DTWD2: variants seen among roughly 807,000 people sequenced by gnomAD.
DTWD2 encodes tRNA-uridine aminocarboxypropyltransferase 2.
Under a neutral mutation model 31.8 loss-of-function variants are expected in DTWD2, and 39 were observed. The observed-to-expected ratio is 1.22, with a 90% CI of 0.95 to 1.60. The LOEUF (loss-of-function observed/expected upper bound fraction) is 1.60, where lower values mean the gene tolerates loss of function less well. Among genes scored for constraint, DTWD2 ranks in the 40% most tolerant of loss-of-function variants. DTWD2 has a pLI of 0.00. For synonymous variants in DTWD2, 180 were observed against 142.8 expected, an observed-to-expected ratio of 1.26 and a Z score of -1.86; for missense variants, 515 against 381.5, an observed-to-expected ratio of 1.35 and a Z score of -2.92.
At chr5:118,851,296 T>C (rs528919555) in intron 4 of DTWD2, among the ~76,000 whole-genome samples, 12 of 151,840 alleles carry the variant, frequency 7.9e-5, no homozygotes, top group African/African-American at 2.7e-4. Context: ...GTTCTTTCTA[T>C]TTTCCTTAAA....
intron 4 of DTWD2, among the ~76,000 whole-genome samples, chr5:118,864,700 G>C (rs1420349942): frequency 6.7e-6 from 1 of 150,308 alleles, no homozygotes. Flanking sequence ...ACATGTGTGT[G>C]TACTTAAAAT....
intron 4 of DTWD2, among the ~76,000 whole-genome samples, chr5:118,909,841 G>A (rs1473231): frequency 0.026 from 3,944 of 152,170 alleles, 136 homozygotes; most frequent in African/African-American, 0.076. Flanking sequence ...GTATTCCCCC[G>A]TACTTAGCAC....
At chr5:118,885,456 CAAAAAAAAA>C (rs34550372) in intron 4 of DTWD2, among the ~76,000 whole-genome samples, 2 of 57,516 alleles carry the variant, frequency 3.5e-5, no homozygotes, top group East Asian at 1.1e-3. Flanking sequence ...GACTCCACCT[CAAAAAAAAA>C]AAAAAAAAAA....
At chr5:118,909,202 T>C (rs753583202) in intron 4 of DTWD2, among the ~76,000 whole-genome samples, 3 of 152,218 alleles carry the variant, frequency 2.0e-5, no homozygotes, top group Non-Finnish European at 2.9e-5. Flanking sequence ...GTGTGGCCTA[T>C]TGGCATCAAC....
At chr5:118,964,217 CAA>C (rs34712667) in intron 1 of DTWD2, among the ~76,000 whole-genome samples, 40 of 84,682 alleles carry the variant, frequency 4.7e-4, no homozygotes, top group African/African-American at 5.4e-4. Flanking sequence ...GACTCCATCT[CAA>C]AAAAAAAAAA....
chr5:118,915,167 A>G (rs1281900650), intron 4 of DTWD2, among the ~76,000 whole-genome samples: 1 of 152,076 alleles, frequency 6.6e-6, no homozygotes, highest in Non-Finnish European at 1.5e-5. Context: ...CAGTGACCCA[A>G]GACAGGGCTA....
intron 4 of DTWD2, among the ~76,000 whole-genome samples, chr5:118,852,286 T>G (rs1025830647): frequency 6.6e-6 from 1 of 152,198 alleles, no homozygotes; most frequent in Non-Finnish European, 1.5e-5. Context: ...ACAATCAATT[T>G]GTACAGTTAA....
chr5:118,902,319 A>C (rs866519348), intron 4 of DTWD2, among the ~76,000 whole-genome samples: 10 of 152,160 alleles, frequency 6.6e-5, no homozygotes, highest in South Asian at 4.1e-4. Flanking sequence ...GAATGAGTAA[A>C]ATATAAGTAG....
chr5:118,872,895 C>T (rs1752537367), intron 4 of DTWD2, among the ~76,000 whole-genome samples: 1 of 152,158 alleles, frequency 6.6e-6, no homozygotes, highest in Admixed American at 6.5e-5. Context: ...ACTGGAATGA[C>T]AGGCATGCTT....
intron 4 of DTWD2, among the ~76,000 whole-genome samples, chr5:118,883,788 G>C (rs1310530132): frequency 6.6e-6 from 1 of 152,120 alleles, no homozygotes; most frequent in Non-Finnish European, 1.5e-5. Context: ...ATTACAATTG[G>C]AGATGAGATT....
intron 1 of DTWD2, among the ~76,000 whole-genome samples, chr5:118,953,639 G>C (rs1205602037): frequency 6.6e-6 from 1 of 152,196 alleles, no homozygotes; most frequent in Non-Finnish European, 1.5e-5. Flanking sequence ...AAACTTGCTA[G>C]AGAGTTGTTA....
chr5:118,887,918 G>C (rs776949197), intron 4 of DTWD2, among the ~76,000 whole-genome samples: 28 of 152,126 alleles, frequency 1.8e-4, no homozygotes, highest in Admixed American at 6.5e-4. Context: ...TGGGATTACA[G>C]GCATGAGTTA....
chr5:118,960,905 A>T (rs1178773635), intron 1 of DTWD2, among the ~76,000 whole-genome samples: 2 of 152,158 alleles, frequency 1.3e-5, no homozygotes, highest in African/African-American at 4.8e-5. Flanking sequence ...AGGAAACAAT[A>T]GACATTGAGG....
intron 1 of DTWD2, chr5:118,973,892 G>T: frequency 6.2e-7 from 1 of 1,609,404 alleles, no homozygotes; most frequent in Non-Finnish European, 8.5e-7. Flanking sequence ...TGGAAGAGAC[G>T]CCCCTGCTAA....
intron 4 of DTWD2, among the ~76,000 whole-genome samples, chr5:118,925,221 A>T (rs1753784137): frequency 6.6e-6 from 1 of 152,262 alleles, no homozygotes; most frequent in South Asian, 2.1e-4. Flanking sequence ...ATACATAAGC[A>T]CTAAAGCTTT....
At chr5:118,852,918 A>G (rs929521263) in intron 4 of DTWD2, among the ~76,000 whole-genome samples, 3 of 152,164 alleles carry the variant, frequency 2.0e-5, no homozygotes, top group Admixed American at 6.5e-5. Context: ...TTGCAGCAAC[A>G]TGGATGCAGC....
rs1291383753 is a variant in DTWD2, at chr5:118,836,948, T to A, written c.*3969A>T. 6.6e-6 allele frequency among the ~76,000 whole-genome samples: 1 copy of A among 152,246 alleles called. No homozygotes were observed. Among genetic ancestry groups the A allele is most frequent in the Non-Finnish European group, 1.5e-5 (1 of 68,038 alleles). On this transcript the variant is annotated 3_prime_UTR_variant, in exon 6 of 6. Transcript: ENST00000510708. ...ATGGACTAAGACAGGAGTCAAGTGATCAGCACGGTGTAAAAAGTCAGGGAT... is the reference window on the plus strand; with the variant it reads ...ATGGACTAAGACAGGAGTCAAGTGAACAGCACGGTGTAAAAAGTCAGGGAT...
At chr5:118,886,451 T>A (rs575293396) in intron 4 of DTWD2, among the ~76,000 whole-genome samples, 1 of 152,130 alleles carries the variant, frequency 6.6e-6, no homozygotes, top group African/African-American at 2.4e-5. Flanking sequence ...TATAATAGCA[T>A]AACAAGGAAA....
intron 1 of DTWD2, among the ~76,000 whole-genome samples, chr5:118,985,141 C>T (rs1755395881): frequency 6.6e-6 from 1 of 152,084 alleles, no homozygotes; most frequent in African/African-American, 2.4e-5. Context: ...TCCCTCCCTT[C>T]TCCCAAACTC....
Sources: gnomAD v4.1 joint callset for allele counts (sites outside exome capture counted in the v4.1 genomes callset) on GRCh38, gnomAD v4.1.1 for gene constraint, MANE v1.5 for transcripts, NCBI Gene and HGNC (gene_info 2026-07-23, HGNC 2026-07-21) for gene names.